Variants in SEL1L3 observed in about 807,000 individuals in gnomAD.
SEL1L3 encodes the protein SEL1L family member 3.
A neutral mutation model predicts 142.8 loss-of-function variants in SEL1L3; 76 were observed. That is an observed-to-expected ratio of 0.53 (90% CI 0.44 to 0.64). SEL1L3 has a LOEUF of 0.64. Among genes scored for constraint, SEL1L3 ranks in the 30% least tolerant of loss-of-function variants. SEL1L3 has a pLI of 0.00. For synonymous variants in SEL1L3, 504 were observed against 519.6 expected, an observed-to-expected ratio of 0.97 and a Z score of 0.41; for missense variants, 1,262 against 1,381.7, an observed-to-expected ratio of 0.91 and a Z score of 1.37.
At chr4:25,758,457 C>T (rs144127101) in intron 21 of SEL1L3, among the ~76,000 whole-genome samples, 3 of 152,264 alleles carry the variant, frequency 2.0e-5, no homozygotes, top group Admixed American at 1.3e-4. Context: ...GGTGACAAAG[C>T]AAGGCCCTGT....
At chr4:25,740,270 C>T in the SEL1L3 span, among the ~76,000 whole-genome samples, 4 of 138,142 alleles carry the variant, frequency 2.9e-5, no homozygotes, top group Non-Finnish European at 6.2e-5. Flanking sequence ...CTCATCTCTA[C>T]TAAAAATACA....
At chr4:25,763,660 C>A (rs938369819) in intron 20 of SEL1L3, among the ~76,000 whole-genome samples, 1 of 152,186 alleles carries the variant, frequency 6.6e-6, no homozygotes, top group African/African-American at 2.4e-5. Context: ...CCAGCCTGGG[C>A]AACATGGCAA....
chr4:25,725,319 T>A, the SEL1L3 span, among the ~76,000 whole-genome samples: 1 of 58,132 alleles, frequency 1.7e-5, no homozygotes, highest in Non-Finnish European at 3.2e-5. Flanking sequence ...GCTGGTTGGC[T>A]TTTTTTTTTT....
chr4:25,773,809 T>A (rs887638259), intron 17 of SEL1L3, among the ~76,000 whole-genome samples: 12 of 152,272 alleles, frequency 7.9e-5, no homozygotes, highest in South Asian at 6.2e-4. Flanking sequence ...TTTTGTAGAC[T>A]CTCTTTGCTT....
chr4:25,835,062 T>G, intron 3 of SEL1L3, 135 bp downstream of exon 3: 2 of 1,020,262 alleles, frequency 2.0e-6, no homozygotes, highest in Non-Finnish European at 2.9e-6. Flanking sequence ...GTCTAAGCCA[T>G]GGAAATCTCA....
intron 6 of SEL1L3, among the ~76,000 whole-genome samples, chr4:25,826,939 C>G (rs552796614): frequency 3.9e-5 from 6 of 152,298 alleles, no homozygotes; most frequent in African/African-American, 1.4e-4. Context: ...GCTGGGATTA[C>G]AGGCGTGAGC....
At chr4:25,765,460 A>C (rs1487074785) in intron 19 of SEL1L3, 25 bp from the exon 20 acceptor site, 1 of 1,489,248 alleles carries the variant, frequency 6.7e-7, no homozygotes, top group African/African-American at 1.4e-5. Context: ...GCACAGATCC[A>C]TTTGTCAAGT....
chr4:25,815,731 CT>C (rs1343999489), intron 9 of SEL1L3, among the ~76,000 whole-genome samples: 5 of 151,958 alleles, frequency 3.3e-5, no homozygotes. Context: ...CAACGGAAAC[CT>C]GGAATTATCT....
At chr4:25,739,845 T>C in the SEL1L3 span, among the ~76,000 whole-genome samples, 1 of 152,074 alleles carries the variant, frequency 6.6e-6, no homozygotes, top group Non-Finnish European at 1.5e-5. Flanking sequence ...CACATGTACA[T>C]ATGTAGTATC....
chr4:25,743,854 C>A (rs534902404), downstream of SEL1L3, among the ~76,000 whole-genome samples: 1 of 152,186 alleles, frequency 6.6e-6, no homozygotes, highest in South Asian at 2.1e-4. Flanking sequence ...TTTTTCCTTC[C>A]CTCCTACCCC....
At chr4:25,745,325 G>T (rs1201551667), downstream of SEL1L3, among the ~76,000 whole-genome samples, 1 of 151,986 alleles carries the variant, frequency 6.6e-6, no homozygotes, top group Non-Finnish European at 1.5e-5. Context: ...AGCCTGGGAG[G>T]CAGAGGATGC....
downstream of SEL1L3, among the ~76,000 whole-genome samples, chr4:25,742,779 T>C (rs1404426249): frequency 2.6e-5 from 4 of 152,184 alleles, no homozygotes; most frequent in Non-Finnish European, 4.4e-5. Context: ...TAAATTGGCA[T>C]TTTGTCTTGC....
At chr4:25,727,325 TA>T in the SEL1L3 span, among the ~76,000 whole-genome samples, 1 of 152,136 alleles carries the variant, frequency 6.6e-6, no homozygotes, top group Non-Finnish European at 1.5e-5. Flanking sequence ...GTGTTGGGAT[TA>T]CAGGCATGAG....
chr4:25,756,006 C>T, intron 23 of SEL1L3: 1 of 985,364 alleles, frequency 1.0e-6, no homozygotes. Context: ...TTTGATGGGT[C>T]CTTGTTAACC....
chr4:25,857,340 G>T (rs1167108448), intron 1 of SEL1L3, among the ~76,000 whole-genome samples: 1 of 152,178 alleles, frequency 6.6e-6, no homozygotes, highest in Admixed American at 6.5e-5. Flanking sequence ...AATATTCCTG[G>T]TTGTGTAAGA....
At chr4:25,857,123 T>C (rs1350631252) in intron 1 of SEL1L3, among the ~76,000 whole-genome samples, 1 of 152,218 alleles carries the variant, frequency 6.6e-6, no homozygotes, top group African/African-American at 2.4e-5. Flanking sequence ...GTGTCTTGCC[T>C]TAAAGGGCCT....
intron 19 of SEL1L3, among the ~76,000 whole-genome samples, chr4:25,766,856 G>A (rs377016662): frequency 7.2e-5 from 11 of 152,172 alleles, no homozygotes; most frequent in Admixed American, 3.9e-4. Context: ...ATCAGAAGCC[G>A]GTGGGTAGAG....
chr4:25,755,061 A>G (rs576119807), intron 23 of SEL1L3, among the ~76,000 whole-genome samples: 12 of 152,136 alleles, frequency 7.9e-5, no homozygotes, highest in Non-Finnish European at 1.3e-4. Flanking sequence ...CTGCTGCCCT[A>G]CATCTATTCT....
At chr4:25,828,519 G>C (rs116680333) in intron 6 of SEL1L3, among the ~76,000 whole-genome samples, 2,255 of 150,914 alleles carry the variant, frequency 0.015, 70 homozygotes, top group African/African-American at 0.051. Context: ...TAAGTAGCTG[G>C]GATTACAGGT....
Sources: allele counts gnomAD v4.1 joint callset (sites outside exome capture counted in the v4.1 genomes callset), GRCh38; gene constraint gnomAD v4.1.1; transcripts MANE v1.5; gene names NCBI Gene and HGNC (gene_info 2026-07-23, HGNC 2026-07-21).